The following SLC22A3 variants were observed in gnomAD, a reference collection of about 807,000 sequenced individuals.
SLC22A3 encodes the protein EMT organic cation transporter 3.
In SLC22A3, 51 loss-of-function variants were observed where a neutral mutation model predicts 59.1. The observed-to-expected ratio is 0.86, with a 90% CI of 0.69 to 1.09. The LOEUF (loss-of-function observed/expected upper bound fraction) is 1.09, where lower values mean the gene tolerates loss of function less well. SLC22A3 is among the 50% of genes least tolerant of loss of function. The pLI, the probability that SLC22A3 is intolerant of heterozygous loss-of-function variation, is 0.00. For missense variants in SLC22A3, 711 were observed against 726.3 expected, an observed-to-expected ratio of 0.98 and a Z score of 0.24; for synonymous variants, 325 against 292.0, an observed-to-expected ratio of 1.11 and a Z score of -1.15.
chr6:160,360,545 C>T (rs2114750444), intron 1 of SLC22A3, among the ~76,000 whole-genome samples: 1 of 152,246 alleles, frequency 6.6e-6, no homozygotes, highest in Admixed American at 6.5e-5. Flanking sequence ...CTTTATTAAA[C>T]CTCTTTCTCT....
At chr6:160,437,641 T>G (rs528928425) in intron 7 of SLC22A3, among the ~76,000 whole-genome samples, 1 of 152,366 alleles carries the variant, frequency 6.6e-6, no homozygotes, top group Non-Finnish European at 1.5e-5. Context: ...ACAGATACTT[T>G]AATATTGTCA....
intron 5 of SLC22A3, among the ~76,000 whole-genome samples, chr6:160,424,884 TACAC>T: frequency 6.6e-6 from 1 of 152,238 alleles, no homozygotes; most frequent in East Asian, 1.9e-4. Context: ...ATTGAATACT[TACAC>T]ACGTTTTGAT....
At chr6:160,416,751 C>T (rs1467502842) in intron 5 of SLC22A3, among the ~76,000 whole-genome samples, 3 of 152,234 alleles carry the variant, frequency 2.0e-5, no homozygotes, top group African/African-American at 7.2e-5. Context: ...TACACCTGGT[C>T]ACTAACCACT....
At chr6:160,389,032 C>G (rs545011342) in intron 1 of SLC22A3, among the ~76,000 whole-genome samples, 12 of 152,244 alleles carry the variant, frequency 7.9e-5, no homozygotes, top group African/African-American at 2.6e-4. Flanking sequence ...AGGAGAGAAG[C>G]CAAGGGGAAG....
chr6:160,451,923 G>GT lies in SLC22A3; in HGVS notation c.*868dup, dbSNP rs1297392572. The GT allele has an allele frequency of 6.6e-6, 1 of 152,162 alleles. No homozygotes were observed. Among genetic ancestry groups the GT allele is most frequent in the African/African-American group, 2.4e-5 (1 of 41,436 alleles). The allele number at this position is 152,162 out of a possible 1,614,324, so 9.4% of individuals were successfully genotyped here. A position where few individuals can be genotyped will look rare whatever the true frequency, so the allele number is the denominator to read the frequency against. On this transcript the variant is annotated 3_prime_UTR_variant, in exon 11 of 11. Coordinates refer to ENST00000275300, the MANE Select transcript of SLC22A3 (RefSeq NM_021977.4). ...GTGAAGGGATATTTTTCTTATATTTGTGAGTTCAGTTCCGATGGTGCCCGT... is the reference window on the plus strand; with the variant it reads ...GTGAAGGGATATTTTTCTTATATTTGTTGAGTTCAGTTCCGATGGTGCCCGT...
At chr6:160,448,300 T>C (rs1033765804) in intron 10 of SLC22A3, among the ~76,000 whole-genome samples, 1 of 152,196 alleles carries the variant, frequency 6.6e-6, no homozygotes, top group Non-Finnish European at 1.5e-5. Flanking sequence ...GTGTTTTCTC[T>C]CTGCAGCTGG....
intron 1 of SLC22A3, among the ~76,000 whole-genome samples, chr6:160,364,113 G>C (rs1319366805): frequency 3.9e-5 from 6 of 152,138 alleles, no homozygotes; most frequent in African/African-American, 1.4e-4. Context: ...GTAGCCATTT[G>C]AAATAGCTAC....
chr6:160,444,426 T>C (rs1161755093), intron 9 of SLC22A3, among the ~76,000 whole-genome samples: 2 of 152,194 alleles, frequency 1.3e-5, no homozygotes, highest in South Asian at 2.1e-4. Context: ...TCTCTCTCTA[T>C]GGATATCATA....
Position 160,399,234 on chromosome 6 carries a change from G to A in SLC22A3, c.533+1152G>A, listed in dbSNP as rs114399609. 5.5e-3 allele frequency among the ~76,000 whole-genome samples: 839 copies of A among 151,900 alleles called. 6 individuals carry two copies. The highest frequency in any genetic ancestry group is 0.016 in the African/African-American group (670 of 41,406). ...TCCCCTTTTTCTTCTTTTTATCGAT[G>A]TCCTTTTCTCCTGTTCTACTTCTAG... On this transcript the variant is annotated intron_variant, in intron 2 of 10. Coordinates refer to ENST00000275300, the MANE Select transcript of SLC22A3 (RefSeq NM_021977.4).
At chr6:160,379,220 T>C (rs1367713275) in intron 1 of SLC22A3, among the ~76,000 whole-genome samples, 2 of 152,200 alleles carry the variant, frequency 1.3e-5, no homozygotes, top group Admixed American at 6.5e-5. Context: ...TTCTGAGGTT[T>C]TTAAAAAATG....
chr6:160,389,250 T>C (rs560396130), intron 1 of SLC22A3, among the ~76,000 whole-genome samples: 3 of 152,306 alleles, frequency 2.0e-5, no homozygotes, highest in African/African-American at 7.2e-5. Context: ...CATTTTTTTG[T>C]CTTGTATTTA....
chr6:160,386,471 T>C (rs1205778283), intron 1 of SLC22A3, among the ~76,000 whole-genome samples: 1 of 152,220 alleles, frequency 6.6e-6, no homozygotes, highest in African/African-American at 2.4e-5. Context: ...GAAAATCTTA[T>C]AAAGTTTCCC....
chr6:160,438,917 A>G (rs1788446576), intron 7 of SLC22A3, among the ~76,000 whole-genome samples: 1 of 151,920 alleles, frequency 6.6e-6, no homozygotes, highest in Non-Finnish European at 1.5e-5. Context: ...CTGCCTCCAT[A>G]TTCACAGGAC....
chr6:160,382,115 AT>A (rs1280736441), intron 1 of SLC22A3, among the ~76,000 whole-genome samples: 4 of 152,226 alleles, frequency 2.6e-5, no homozygotes, highest in African/African-American at 9.6e-5. Flanking sequence ...TTCATCCAGT[AT>A]GACTTGTCTT....
intron 1 of SLC22A3, among the ~76,000 whole-genome samples, chr6:160,392,932 T>TTTAGTGACTCCTGATTTCAAGC (rs1178324733): frequency 4.6e-5 from 7 of 151,118 alleles, no homozygotes; most frequent in African/African-American, 1.7e-4. Flanking sequence ...TGATGAAGAG[T>TTTAGTGACTCCTGATTTCAAGC]TTAGTGACTC....
chr6:160,399,530 A>T (rs1415391056), intron 2 of SLC22A3, among the ~76,000 whole-genome samples: 1 of 152,060 alleles, frequency 6.6e-6, no homozygotes, highest in Non-Finnish European at 1.5e-5. Flanking sequence ...CTCATATAGG[A>T]CTTGCTGCCT....
Position 160,441,779 on chromosome 6 carries a change from T to C in SLC22A3, c.1289-982T>C, listed in dbSNP as rs1788552980. On this transcript the variant is annotated intron_variant, in intron 7 of 10. Coordinates refer to ENST00000275300, the MANE Select transcript of SLC22A3 (RefSeq NM_021977.4). ...AGGACTATTTAGTGCTAAATGAACATATGTGTTGGATATAAAGGGAAAATG... is the reference window on the plus strand; with the variant it reads ...AGGACTATTTAGTGCTAAATGAACACATGTGTTGGATATAAAGGGAAAATG... 3.3e-5 allele frequency among the ~76,000 whole-genome samples: 5 copies of C among 152,144 alleles called. No individual in the cohort carries two copies. In the South Asian group the frequency reaches 1.0e-3, roughly 31 times the overall value.
intron 10 of SLC22A3, among the ~76,000 whole-genome samples, chr6:160,449,142 G>T (rs1337384775): frequency 6.6e-6 from 1 of 152,184 alleles, no homozygotes. Flanking sequence ...TGGAAGAAAA[G>T]GGAGTCCTCT....
chr6:160,433,515 T>TCTACTACTGATA (rs1554274055), intron 5 of SLC22A3, among the ~76,000 whole-genome samples: 1 of 146,870 alleles, frequency 6.8e-6, no homozygotes, highest in Non-Finnish European at 1.5e-5. Flanking sequence ...AGACCCTGTC[T>TCTACTACTGATA]CTACTACTAC....
Sources: gnomAD v4.1 joint callset for allele counts (sites outside exome capture counted in the v4.1 genomes callset) on GRCh38, gnomAD v4.1.1 for gene constraint, MANE v1.5 for transcripts, NCBI Gene and HGNC (gene_info 2026-07-23, HGNC 2026-07-21) for gene names.